The following TSPEAR variants were observed in gnomAD, a reference collection of about 807,000 sequenced individuals.
TSPEAR encodes thrombospondin type laminin G domain and EAR repeats.
Under a neutral mutation model 71.6 loss-of-function variants are expected in TSPEAR, and 69 were observed. The ratio of observed to expected loss-of-function variants is 0.96; its 90% CI spans 0.79 to 1.18. The LOEUF (loss-of-function observed/expected upper bound fraction) is 1.18, where lower values mean the gene tolerates loss of function less well. Ranked by LOEUF, TSPEAR falls within the 50% of genes most tolerant of loss-of-function variation. The probability of loss-of-function intolerance (pLI) is 0.00; values close to 1 mark genes in which losing one functional copy is unlikely to be tolerated. For missense variants in TSPEAR, 971 were observed against 894.9 expected, an observed-to-expected ratio of 1.09 and a Z score of -1.09; for synonymous variants, 402 against 387.2, an observed-to-expected ratio of 1.04 and a Z score of -0.45.
In TSPEAR at chr21:44,645,530, T is replaced by A. The variant is rs587679749; in HGVS notation, c.82+65903A>T. 3.5e-4 allele frequency among the ~76,000 whole-genome samples: 53 copies of A among 152,044 alleles called. No homozygotes were observed. In the Middle Eastern group the frequency reaches 0.01, roughly 29 times the overall value. On this transcript the variant is annotated intron_variant, in intron 1 of 11. Coordinates refer to ENST00000323084, the MANE Select transcript of TSPEAR (RefSeq NM_144991.3). ...ACCATGCCTGGCTAATTTTTTGTAT[T>A]TTTAGTAGAGACCGGGTTTCACCAT...
intron 1 of TSPEAR, among the ~76,000 whole-genome samples, chr21:44,598,618 C>G (rs781855379): frequency 1.3e-5 from 2 of 152,214 alleles, no homozygotes; most frequent in Non-Finnish European, 2.9e-5. Flanking sequence ...GTCAGCACTT[C>G]CGCCGCTTCC....
intron 1 of TSPEAR, chr21:44,592,464 G>T (rs201582050): frequency 6.2e-7 from 1 of 1,608,108 alleles, no homozygotes; most frequent in Non-Finnish European, 8.5e-7. Flanking sequence ...TGGAGCAGAC[G>T]GACATGGTGG....
rs587597005 is a variant in TSPEAR at position 44,539,498 on chromosome 21, G to T, written c.304-5575C>A. On this transcript the variant is annotated intron_variant, in intron 2 of 11. Transcript: ENST00000323084. ...GCAGCAGGAGGTGGTGCAGCAAGCC[G>T]GCTGGCAGCTAGACTGCTGGCAGCA... 5 of 1,613,898 alleles carry T rather than the reference G, an allele frequency of 3.1e-6. No individual in the cohort carries two copies. In the Admixed American group the frequency reaches 8.3e-5, roughly 27 times the overall value.
At chr21:44,598,437 A>AT (rs1304482146) in intron 1 of TSPEAR, among the ~76,000 whole-genome samples, 47 of 152,180 alleles carry the variant, frequency 3.1e-4, no homozygotes, top group African/African-American at 1.1e-3. Flanking sequence ...ACAGACATAC[A>AT]TTTGCTTTGC....
intron 1 of TSPEAR, among the ~76,000 whole-genome samples, chr21:44,644,194 G>T (rs1484752427): frequency 6.6e-6 from 1 of 152,160 alleles, no homozygotes; most frequent in African/African-American, 2.4e-5. Context: ...CTGGCCCCCA[G>T]TGGAAAGTTC....
chr21:44,649,052 G>T (rs2070575), intron 1 of TSPEAR, among the ~76,000 whole-genome samples: 46,074 of 152,110 alleles, frequency 0.3, 7,308 homozygotes, highest in South Asian at 0.45. Context: ...TGAGTCAGGG[G>T]CAGCTGCTGC....
At position 44,681,815 on chromosome 21, in the gene TSPEAR, G is replaced by A. The variant is rs527402159; in HGVS notation, c.82+29618C>T. On this transcript the variant is annotated intron_variant, in intron 1 of 11. Transcript: ENST00000323084. ...TGGCCTCATCTGCACTGGGAGCAGC[G>A]GGTCTGGAGATTCATGCTCAGCAGC... 8 of 1,595,384 alleles carry A rather than the reference G, an allele frequency of 5.0e-6. No individual in the cohort carries two copies. The Admixed American group carries it at 6.7e-5, about 13-fold the overall frequency.
chr21:44,587,633 T>C (rs1960727910), intron 1 of TSPEAR, among the ~76,000 whole-genome samples: 1 of 152,122 alleles, frequency 6.6e-6, no homozygotes, highest in African/African-American at 2.4e-5. Context: ...CAAACTATAC[T>C]ATAAGGCCAC....
rs1403460104 is a variant in TSPEAR at position 44,497,901 on chromosome 21, TGGA to T, written c.*1879_*1881del. 1 of 152,078 alleles carries T rather than the reference TGGA, an allele frequency of 6.6e-6. No homozygotes were observed. Among genetic ancestry groups the T allele is most frequent in the African/African-American group, 2.4e-5 (1 of 41,390 alleles). 9.4% of individuals were successfully genotyped at this position (152,078 alleles called of 1,614,324 possible). ...AGTACCCGACCCAGGCCTCGATCAATGGAGAAGTTTATTTTGCCAAGGCTAAGG... is the reference window on the plus strand; with the variant it reads ...AGTACCCGACCCAGGCCTCGATCAATGAAGTTTATTTTGCCAAGGCTAAGG... On this transcript the variant is annotated 3_prime_UTR_variant, in exon 12 of 12. Transcript: ENST00000323084.
chr21:44,622,088 G>T (rs1601495880), intron 1 of TSPEAR, among the ~76,000 whole-genome samples: 1 of 152,184 alleles, frequency 6.6e-6, no homozygotes, highest in Non-Finnish European at 1.5e-5. Flanking sequence ...TCCCTAAAGA[G>T]CAGGTACAGA....
chr21:44,702,212 G>T, intron 1 of TSPEAR: 1 of 1,580,428 alleles, frequency 6.3e-7, no homozygotes. Context: ...GGAACAAAGG[G>T]GCCTCCCTGA....
intron 1 of TSPEAR, among the ~76,000 whole-genome samples, chr21:44,661,337 TAGTGAC>T (rs1263368127): frequency 2.6e-5 from 3 of 114,272 alleles, no homozygotes; most frequent in African/African-American, 1.0e-4. Context: ...AGAGCAAAAA[TAGTGAC>T]AGTGCATTGT....
At chr21:44,649,053 C>A (rs1984612498) in intron 1 of TSPEAR, among the ~76,000 whole-genome samples, 1 of 152,228 alleles carries the variant, frequency 6.6e-6, no homozygotes, top group Non-Finnish European at 1.5e-5. Context: ...GAGTCAGGGG[C>A]AGCTGCTGCC....
chr21:44,672,386 C>A (rs931823701), intron 1 of TSPEAR, among the ~76,000 whole-genome samples: 1 of 152,006 alleles, frequency 6.6e-6, no homozygotes, highest in African/African-American at 2.4e-5. Flanking sequence ...CTGGCTAACA[C>A]GGTGAAACCC....
chr21:44,703,703 A>C lies in TSPEAR; in HGVS notation c.82+7730T>G, dbSNP rs75287798. 5.6e-4 allele frequency among the ~76,000 whole-genome samples: 85 copies of C among 152,310 alleles called. 2 individuals are homozygous for C. The East Asian group carries it at 0.015, about 27-fold the overall frequency. ...GCGTGGCAGAGGTCAGAGGGAAAGA[A>C]GCCAAAGGGTACATGACCTAGGGAT... On this transcript the variant is annotated intron_variant, in intron 1 of 11. Transcript: ENST00000323084.
chr21:44,573,094 G>A (rs1392276778), intron 1 of TSPEAR, among the ~76,000 whole-genome samples: 1 of 152,128 alleles, frequency 6.6e-6, no homozygotes, highest in African/African-American at 2.4e-5. Flanking sequence ...TTTCTGTTGT[G>A]TGACCAGCCA....
intron 1 of TSPEAR, among the ~76,000 whole-genome samples, chr21:44,688,448 C>T (rs1986958721): frequency 6.6e-6 from 1 of 152,140 alleles, no homozygotes; most frequent in African/African-American, 2.4e-5. Flanking sequence ...CGGCCGGGCG[C>T]GGTGGCTCAC....
rs71199612 is a variant in TSPEAR, at chr21:44,572,834, GACACACACACACACACAC to G, written c.83-4847_83-4830del. Among the ~76,000 whole-genome samples, 958 of 124,882 alleles carry G rather than the reference GACACACACACACACACAC, an allele frequency of 7.7e-3. 2 individuals are homozygous for G. The highest frequency in any genetic ancestry group is 0.019 in the African/African-American group (625 of 32,244). 81.9% of individuals were successfully genotyped at this position (124,882 alleles called of 152,430 possible). ...TATCCTTATAAAAAGGGGAGATTTG[GACACACACACACACACAC>G]ACACACACACACACACACACACACA... On this transcript the variant is annotated intron_variant, in intron 1 of 11. Coordinates refer to ENST00000323084, the MANE Select transcript of TSPEAR (RefSeq NM_144991.3).
At chr21:44,503,550 AG>A (rs2052102242) in intron 11 of TSPEAR, among the ~76,000 whole-genome samples, 1 of 94,192 alleles carries the variant, frequency 1.1e-5, no homozygotes, top group African/African-American at 4.4e-5. Context: ...GTGAGCCCAC[AG>A]TGGGGAAGCA....
Sources: allele counts gnomAD v4.1 joint callset (sites outside exome capture counted in the v4.1 genomes callset), GRCh38; gene constraint gnomAD v4.1.1; transcripts MANE v1.5; gene names NCBI Gene and HGNC (gene_info 2026-07-23, HGNC 2026-07-21).